Variants in SEC11A observed in about 807,000 individuals in gnomAD.
SEC11A encodes SEC11 homolog A, signal peptidase complex subunit.
SEC11A carries 14 observed loss-of-function variants against 25.6 expected under a neutral mutation model. The ratio of observed to expected loss-of-function variants is 0.55; its 90% confidence interval spans 0.36 to 0.85. The LOEUF is 0.85. Among genes scored for constraint, SEC11A ranks in the 40% least tolerant of loss-of-function variants. SEC11A has a pLI of 0.01. For synonymous variants in SEC11A, 83 were observed against 76.4 expected (o/e 1.09, Z -0.45); for missense variants, 153 against 222.9 (o/e 0.69, Z 2.00).
intron 2 of SEC11A, among the ~76,000 whole-genome samples, chr15:84,690,270 G>A (rs926826466): frequency 2.0e-5 from 3 of 152,150 alleles, no homozygotes; most frequent in Non-Finnish European, 1.5e-5. Flanking sequence ...GAGTTCCCCT[G>A]CAAAAGCTCT....
intron 1 of SEC11A, among the ~76,000 whole-genome samples, chr15:84,715,292 T>C (rs1898424692): frequency 6.6e-6 from 1 of 152,208 alleles, no homozygotes; most frequent in South Asian, 2.1e-4. Context: ...AACAACCTTT[T>C]CTAAGGACTA....
chr15:84,709,319 C>T (rs1279123831), intron 1 of SEC11A, among the ~76,000 whole-genome samples: 4 of 151,984 alleles, frequency 2.6e-5, no homozygotes, highest in East Asian at 1.9e-4. Context: ...GGTGCACCAC[C>T]GCACCTAGCT....
At chr15:84,680,309 G>GAA (rs1396635168) in intron 4 of SEC11A, among the ~76,000 whole-genome samples, 21 of 120,396 alleles carry the variant, frequency 1.7e-4, no homozygotes, top group African/African-American at 6.4e-4. Flanking sequence ...TCAAAAAAAA[G>GAA]AAAAAAAAAA....
At chr15:84,677,475 CTTT>C (rs1171786400) in intron 4 of SEC11A, among the ~76,000 whole-genome samples, 4 of 131,408 alleles carry the variant, frequency 3.0e-5, no homozygotes. Context: ...TTTTCTTTTT[CTTT>C]TTTTTTTTTT....
At chr15:84,710,995 G>A (rs1010976126) in intron 1 of SEC11A, among the ~76,000 whole-genome samples, 6 of 151,722 alleles carry the variant, frequency 4.0e-5, no homozygotes, top group East Asian at 1.9e-4. Context: ...GCTTGAACCC[G>A]GGGGGCGGAG....
intron 1 of SEC11A, among the ~76,000 whole-genome samples, chr15:84,707,551 A>C (rs956384398): frequency 2.6e-5 from 4 of 152,028 alleles, no homozygotes; most frequent in African/African-American, 9.7e-5. Flanking sequence ...CCCAGACTAA[A>C]CCCTGGCTGA....
intron 1 of SEC11A, 46 bp downstream of exon 1, chr15:84,715,979 G>A (rs907757749): frequency 1.3e-6 from 2 of 1,594,588 alleles, no homozygotes; most frequent in Middle Eastern, 1.7e-4. Context: ...CAGCAGCCTC[G>A]AAGGGACAAG....
intron 4 of SEC11A, 65 bp downstream of exon 4, chr15:84,680,648 A>G: frequency 6.9e-7 from 1 of 1,452,212 alleles, no homozygotes; most frequent in Non-Finnish European, 9.3e-7. Flanking sequence ...TGATCAAATA[A>G]TATGATTGAG....
intron 4 of SEC11A, among the ~76,000 whole-genome samples, chr15:84,676,469 T>TAAAA (rs1897137191): frequency 6.6e-6 from 1 of 151,644 alleles, no homozygotes; most frequent in Admixed American, 6.6e-5. Flanking sequence ...AAAAAATTTT[T>TAAAA]TTTTTTTTTA....
At chr15:84,693,563 T>C (rs779115540) in intron 1 of SEC11A, among the ~76,000 whole-genome samples, 32 of 151,748 alleles carry the variant, frequency 2.1e-4, no homozygotes, top group Non-Finnish European at 3.8e-4. Context: ...GTTCAAGTGA[T>C]TCTCGTGCCA....
chr15:84,702,053 G>A (rs1039846620), intron 1 of SEC11A, among the ~76,000 whole-genome samples: 1 of 151,898 alleles, frequency 6.6e-6, no homozygotes, highest in East Asian at 1.9e-4. Context: ...GAGACACAGC[G>A]AGAGTCTGTC....
chr15:84,674,770 G>C (rs1897093320), intron 4 of SEC11A, among the ~76,000 whole-genome samples: 1 of 152,000 alleles, frequency 6.6e-6, no homozygotes, highest in African/African-American at 2.4e-5. Context: ...ACCTTGCTCA[G>C]GCTGGTCTCA....
chr15:84,712,296 C>T (rs1014161305), intron 1 of SEC11A, among the ~76,000 whole-genome samples: 2 of 151,926 alleles, frequency 1.3e-5, no homozygotes, highest in Non-Finnish European at 2.9e-5. Context: ...TTACAAAGCC[C>T]AGAATCCAGT....
At chr15:84,702,837 A>C (rs1413388487) in intron 1 of SEC11A, among the ~76,000 whole-genome samples, 1 of 152,204 alleles carries the variant, frequency 6.6e-6, no homozygotes, top group East Asian at 1.9e-4. Context: ...AAACAATTCT[A>C]ACAATTCTAC....
intron 3 of SEC11A, among the ~76,000 whole-genome samples, chr15:84,685,560 C>T (rs1454246859): frequency 6.6e-6 from 1 of 151,938 alleles, no homozygotes; most frequent in Non-Finnish European, 1.5e-5. Flanking sequence ...AGGCATGAGT[C>T]ACCACACCCA....
intron 1 of SEC11A, among the ~76,000 whole-genome samples, chr15:84,695,280 T>G (rs1440453957): frequency 2.0e-5 from 3 of 151,182 alleles, no homozygotes; most frequent in South Asian, 2.1e-4. Flanking sequence ...CTGCCCAACA[T>G]GGAGAAACCC....
At chr15:84,705,766 A>C (rs1898076188) in intron 1 of SEC11A, among the ~76,000 whole-genome samples, 1 of 151,538 alleles carries the variant, frequency 6.6e-6, no homozygotes. Context: ...GAGGCAGGAG[A>C]ACCGCTTGAA....
chr15:84,687,802 A>T (rs1217907022), intron 2 of SEC11A, 28 bp from the exon 3 acceptor site: 2 of 1,565,546 alleles, frequency 1.3e-6, no homozygotes, highest in African/African-American at 2.8e-5. Flanking sequence ...ATATAACAGC[A>T]AAAAGAAAGT....
intron 3 of SEC11A, among the ~76,000 whole-genome samples, chr15:84,685,481 C>T (rs957734559): frequency 4.6e-5 from 7 of 151,294 alleles, no homozygotes; most frequent in Non-Finnish European, 8.8e-5. Flanking sequence ...GTCTAGACGC[C>T]CAGGCTGGTC....
Sources: gnomAD v4.1 joint callset for allele counts (sites outside exome capture counted in the v4.1 genomes callset) on GRCh38, gnomAD v4.1.1 for gene constraint, MANE v1.5 for transcripts, NCBI Gene and HGNC (gene_info 2026-07-23, HGNC 2026-07-21) for gene names.